Variants in DDX24 observed in about 807,000 individuals in gnomAD.
The protein encoded by DDX24 is ATP-dependent RNA helicase DDX24.
DDX24 carries 24 observed loss-of-function variants against 68.9 expected under a neutral mutation model. The ratio of observed to expected loss-of-function variants is 0.35; its 90% CI spans 0.25 to 0.49. DDX24 has a LOEUF of 0.49. Among genes scored for constraint, DDX24 ranks in the 20% least tolerant of loss-of-function variants. The pLI is 0.99. For synonymous variants in DDX24, 395 were observed against 385.2 expected, an observed-to-expected ratio of 1.03 and a Z score of -0.30; for missense variants, 989 against 1,039.0, an observed-to-expected ratio of 0.95 and a Z score of 0.66.
intron 7 of DDX24, chr14:94,053,373 T>C (rs1885428483): frequency 2.4e-6 from 1 of 418,002 alleles, no homozygotes; most frequent in Non-Finnish European, 4.2e-6. Flanking sequence ...TTTTTTTTTT[T>C]TTTTTTTTTT....
At chr14:94,059,353 G>C (rs1885548720) in intron 5 of DDX24, among the ~76,000 whole-genome samples, 1 of 152,232 alleles carries the variant, frequency 6.6e-6, no homozygotes, top group South Asian at 2.1e-4. Context: ...TCAGGAATAA[G>C]AAATAGCATG....
At chr14:94,078,266 G>C (rs531613523) in intron 2 of DDX24, among the ~76,000 whole-genome samples, 271 of 152,284 alleles carry the variant, frequency 1.8e-3, no homozygotes, top group Middle Eastern at 0.01. Flanking sequence ...GGGAGGTCCT[G>C]GAACCAATCC....
chr14:94,071,020 TTAAAC>T (rs1216747504), intron 2 of DDX24, among the ~76,000 whole-genome samples: 1 of 152,132 alleles, frequency 6.6e-6, no homozygotes, highest in African/African-American at 2.4e-5. Context: ...TGGGACCTAA[TTAAAC>T]TAAAGAGCTT....
chr14:94,070,765 C>T (rs887363569), intron 2 of DDX24, among the ~76,000 whole-genome samples: 41 of 152,178 alleles, frequency 2.7e-4, no homozygotes, highest in South Asian at 1.9e-3. Context: ...GGGGAAAGGA[C>T]ATTGTTTTCA....
chr14:94,051,940 C>T (rs1885395903), intron 8 of DDX24: 2 of 154,164 alleles, frequency 1.3e-5, no homozygotes, highest in Admixed American at 6.5e-5. Context: ...TCTCCTATGC[C>T]TTGCCACCAG....
chr14:94,078,945 C>G, intron 2 of DDX24, 80 bp downstream of exon 2: 2 of 1,413,126 alleles, frequency 1.4e-6, no homozygotes, highest in East Asian at 4.6e-5. Flanking sequence ...CAACATTCTT[C>G]TCTCTCCCAA....
intron 2 of DDX24, among the ~76,000 whole-genome samples, chr14:94,071,621 G>C (rs1885831221): frequency 6.6e-6 from 1 of 151,988 alleles, no homozygotes; most frequent in South Asian, 2.1e-4. Flanking sequence ...CTGCACCCCA[G>C]CCTGGGCAAC....
At chr14:94,065,351 G>A (rs17129447) in intron 2 of DDX24, among the ~76,000 whole-genome samples, 2 of 151,322 alleles carry the variant, frequency 1.3e-5, no homozygotes, top group East Asian at 2.0e-4. Context: ...TGCACCCGGC[G>A]TATGGGTAGA....
rs770109956 is a variant in DDX24 at position 94,055,192 on chromosome 14, AG to A, written c.1990-9del. The A allele has an allele frequency of 3.1e-6, 5 of 1,610,964 alleles. No individual in the cohort carries two copies. The highest frequency in any genetic ancestry group is 2.2e-5 in the South Asian group (2 of 90,816). On this transcript the variant is annotated splice_polypyrimidine_tract_variant and intron_variant, in intron 6 of 8. Transcript: ENST00000621632. Reference sequence around the variant, plus strand: ...CTCCGAGGTACGTGGGACCTGCCACAGGAAGAACTGGGAGATCAATACATGG... The same window carrying A: ...CTCCGAGGTACGTGGGACCTGCCACAGAAGAACTGGGAGATCAATACATGG...
chr14:94,075,362 C>T (rs1885915533), intron 2 of DDX24, among the ~76,000 whole-genome samples: 1 of 152,186 alleles, frequency 6.6e-6, no homozygotes, highest in Non-Finnish European at 1.5e-5. Context: ...CCTATATGGT[C>T]ACAGACTTTC....
At chr14:94,064,373 G>GT (rs1161824825) in intron 2 of DDX24, among the ~76,000 whole-genome samples, 1 of 152,206 alleles carries the variant, frequency 6.6e-6, no homozygotes, top group Non-Finnish European at 1.5e-5. Context: ...ATCTGTAGTA[G>GT]TAAGAGCATC....
At position 94,062,123 on chromosome 14, in the gene DDX24, T is replaced by C. The variant is rs778828360; in HGVS notation, c.1217A>G (p.His406Arg). Residue 406 changes from histidine (H) to arginine (R), a missense_variant, in exon 3 of 9, where the codon CAC (histidine) becomes CGC (arginine). Transcript: ENST00000621632. ...TRELAVQVKQ[H>R]IDAVARFTGI... The stretch of plus-strand genomic sequence containing the variant: ...TGTAAACCTGGCCACAGCATCAATG[T>C]GCTGTTTGACCTGGACGGCCAGCTC... 7.3e-5 allele frequency: 117 copies of C among 1,613,056 alleles called. No homozygotes were observed. The highest frequency in any genetic ancestry group is 9.2e-5 in the Non-Finnish European group (109 of 1,179,354).
intron 1 of DDX24, among the ~76,000 whole-genome samples, chr14:94,080,247 C>T (rs2141439990): frequency 6.6e-6 from 1 of 152,328 alleles, no homozygotes; most frequent in South Asian, 2.1e-4. Flanking sequence ...ACTGCGCTTG[C>T]TTCCTTCTCA....
chr14:94,064,368 T>C (rs776101163), intron 2 of DDX24, among the ~76,000 whole-genome samples: 19 of 152,200 alleles, frequency 1.2e-4, no homozygotes, highest in African/African-American at 2.7e-4. Flanking sequence ...AAAATATCTG[T>C]AGTAGTAAGA....
chr14:94,060,800 T>C, intron 4 of DDX24, 113 bp downstream of exon 4: 9 of 1,502,030 alleles, frequency 6.0e-6, no homozygotes, highest in Non-Finnish European at 8.1e-6. Context: ...AGGGTCTGGA[T>C]GATACCACAC....
intron 8 of DDX24, among the ~76,000 whole-genome samples, chr14:94,052,191 C>T (rs376153934): frequency 1.1e-4 from 16 of 152,376 alleles, no homozygotes; most frequent in African/African-American, 3.6e-4. Flanking sequence ...CTCTGCTGAG[C>T]TGCATACTTG....
In DDX24 at chr14:94,050,422, C is replaced by A. The variant is rs776755438; in HGVS notation, c.*769G>T. The A allele has an allele frequency of 6.6e-6, 1 of 152,296 alleles. No homozygotes were observed. Among genetic ancestry groups the A allele is most frequent in the Non-Finnish European group, 1.5e-5 (1 of 68,158 alleles). 9.4% of individuals were successfully genotyped at this position (152,296 alleles called of 1,614,324 possible). ...GAGAAGGCCAAAAGGCAATCCAGACCGAGGGAAAAGCCTATTCTGCACAAA... is the reference window on the plus strand; with the variant it reads ...GAGAAGGCCAAAAGGCAATCCAGACAGAGGGAAAAGCCTATTCTGCACAAA... On this transcript the variant is annotated 3_prime_UTR_variant, in exon 9 of 9. Transcript: ENST00000621632.
chr14:94,073,941 G>A (rs1380433048), intron 2 of DDX24, among the ~76,000 whole-genome samples: 6 of 151,654 alleles, frequency 4.0e-5, no homozygotes. Context: ...TACCTGGGAC[G>A]CTGGGGCAGG....
chr14:94,052,456 T>C (rs529377155), intron 8 of DDX24, among the ~76,000 whole-genome samples: 1 of 152,176 alleles, frequency 6.6e-6, no homozygotes, highest in Admixed American at 6.5e-5. Context: ...GAAGATCAAA[T>C]GAGATAATGG....
Sources: allele counts gnomAD v4.1 joint callset (sites outside exome capture counted in the v4.1 genomes callset), GRCh38; gene constraint gnomAD v4.1.1; transcripts MANE v1.5; gene names NCBI Gene and HGNC (gene_info 2026-07-23, HGNC 2026-07-21).